NKAIN3: variants seen among roughly 807,000 people sequenced by gnomAD.
NKAIN3 encodes the protein sodium/potassium transporting ATPase interacting 3.
In NKAIN3, 25 loss-of-function variants were observed where a neutral mutation model predicts 30.2. The observed-to-expected ratio is 0.83, with a 90% CI of 0.60 to 1.16. The LOEUF is 1.16. Among genes scored for constraint, NKAIN3 ranks in the 50% most tolerant of loss-of-function variants. The pLI is 0.00. For synonymous variants in NKAIN3, 91 were observed against 89.6 expected (o/e 1.02, Z -0.09); for missense variants, 225 against 254.1 (o/e 0.89, Z 0.78).
intron 4 of NKAIN3, chr8:62,856,822 T>C (rs1005493482): frequency 1.1e-5 from 7 of 614,252 alleles, no homozygotes; most frequent in Non-Finnish European, 2.1e-5. Context: ...CTCTGCACTA[T>C]AGAGCATCAC....
chr8:62,613,329 T>A (rs1414404863), intron 3 of NKAIN3, among the ~76,000 whole-genome samples: 1 of 152,186 alleles, frequency 6.6e-6, no homozygotes, highest in African/African-American at 2.4e-5. Context: ...TTCAGGGCTT[T>A]AAATATGTCC....
intron 3 of NKAIN3, among the ~76,000 whole-genome samples, chr8:62,670,772 A>T (rs905212669): frequency 1.3e-5 from 2 of 152,106 alleles, no homozygotes; most frequent in African/African-American, 4.8e-5. Flanking sequence ...AAGCCTTGAC[A>T]GAGGCAATGG....
intron 4 of NKAIN3, among the ~76,000 whole-genome samples, chr8:62,801,663 TG>T (rs1818067961): frequency 2.0e-5 from 3 of 151,860 alleles, no homozygotes; most frequent in East Asian, 3.9e-4. Flanking sequence ...ACCACAAAGA[TG>T]GGGAAAAAAC....
intron 1 of NKAIN3, among the ~76,000 whole-genome samples, chr8:62,299,544 C>T (rs1171706870): frequency 6.6e-6 from 1 of 152,076 alleles, no homozygotes; most frequent in Non-Finnish European, 1.5e-5. Context: ...CAATGGTTAA[C>T]TCAAATGAAT....
At chr8:62,596,180 C>T (rs1174515098) in intron 3 of NKAIN3, among the ~76,000 whole-genome samples, 1 of 151,866 alleles carries the variant, frequency 6.6e-6, no homozygotes, top group African/African-American at 2.4e-5. Context: ...TTTTCTTCTT[C>T]GGTGGCTAGC....
intron 1 of NKAIN3, among the ~76,000 whole-genome samples, chr8:62,516,471 T>C (rs1011776972): frequency 2.0e-5 from 3 of 152,132 alleles, no homozygotes; most frequent in Non-Finnish European, 4.4e-5. Context: ...TCCTTGCTTT[T>C]GTTCTTTGTC....
intron 1 of NKAIN3, among the ~76,000 whole-genome samples, chr8:62,341,366 C>G (rs568698273): frequency 1.3e-5 from 2 of 151,992 alleles, no homozygotes; most frequent in Admixed American, 6.6e-5. Flanking sequence ...GACATGTTAA[C>G]GATAACAGTT....
intron 3 of NKAIN3, among the ~76,000 whole-genome samples, chr8:62,616,991 T>C (rs749627802): frequency 6.6e-6 from 1 of 152,156 alleles, no homozygotes; most frequent in Non-Finnish European, 1.5e-5. Flanking sequence ...TAGTGAATGA[T>C]TTATTGGGAG....
intron 1 of NKAIN3, among the ~76,000 whole-genome samples, chr8:62,534,247 C>T (rs1239256746): frequency 1.3e-5 from 2 of 152,092 alleles, no homozygotes; most frequent in African/African-American, 2.4e-5. Context: ...AGCGACCACA[C>T]GTGGGAAAAG....
intron 1 of NKAIN3, among the ~76,000 whole-genome samples, chr8:62,432,722 T>C (rs942906649): frequency 2.4e-4 from 37 of 152,094 alleles, no homozygotes; most frequent in African/African-American, 8.7e-4. Context: ...CATATTTGCT[T>C]CAAACATTTA....
intron 3 of NKAIN3, among the ~76,000 whole-genome samples, chr8:62,590,504 C>A (rs1443822204): frequency 6.6e-6 from 1 of 151,722 alleles, no homozygotes; most frequent in East Asian, 1.9e-4. Flanking sequence ...TGTGAACCAG[C>A]ACAATTTTCA....
chr8:62,271,473 C>G (rs1309338670), intron 1 of NKAIN3, among the ~76,000 whole-genome samples: 2 of 152,094 alleles, frequency 1.3e-5, no homozygotes, highest in African/African-American at 4.8e-5. Context: ...ATGGTAGTAT[C>G]AGGAAGTTTG....
At position 62,504,241 on chromosome 8, in the gene NKAIN3, T is replaced by C. The variant is rs568606869; in HGVS notation, c.55-75298T>C. 4.3e-4 allele frequency among the ~76,000 whole-genome samples: 65 copies of C among 152,274 alleles called. 2 individuals are homozygous for C. The highest frequency in any genetic ancestry group is 6.8e-3 in the Middle Eastern group (2 of 294). ...AAACTGTCCCCCCACCACCAGTCTG[T>C]GGAAAAATTGTCTTCCACAAAACCA... On this transcript the variant is annotated intron_variant, in intron 1 of 6. Coordinates refer to ENST00000623646, the MANE Select transcript of NKAIN3 (RefSeq NM_001304533.3).
intron 4 of NKAIN3, among the ~76,000 whole-genome samples, chr8:62,917,531 A>G (rs1458526986): frequency 6.6e-6 from 1 of 152,196 alleles, no homozygotes; most frequent in African/African-American, 2.4e-5. Context: ...TGGGCAGTCA[A>G]AAGCCCCAGA....
chr8:62,540,564 C>G (rs775812137), intron 1 of NKAIN3, among the ~76,000 whole-genome samples: 1 of 152,114 alleles, frequency 6.6e-6, no homozygotes, highest in Non-Finnish European at 1.5e-5. Flanking sequence ...TATGTTCAAA[C>G]ACATTGGCTC....
intron 1 of NKAIN3, among the ~76,000 whole-genome samples, chr8:62,487,521 T>C (rs1433966801): frequency 2.0e-5 from 3 of 152,240 alleles, no homozygotes; most frequent in African/African-American, 7.2e-5. Flanking sequence ...TTGCATGTTA[T>C]AATTCCAGCA....
chr8:62,942,321 A>T (rs1822989687), intron 5 of NKAIN3, among the ~76,000 whole-genome samples: 2 of 148,674 alleles, frequency 1.3e-5, no homozygotes, highest in African/African-American at 4.9e-5. Context: ...CAATATACCT[A>T]ACCAAGGAGG....
intron 1 of NKAIN3, among the ~76,000 whole-genome samples, chr8:62,532,535 C>A (rs922526642): frequency 2.6e-5 from 4 of 152,196 alleles, no homozygotes; most frequent in African/African-American, 7.2e-5. Context: ...ATGTCCCTGG[C>A]AGACAGGCTC....
At chr8:62,420,020 T>A (rs1439435935) in intron 1 of NKAIN3, among the ~76,000 whole-genome samples, 1 of 152,170 alleles carries the variant, frequency 6.6e-6, no homozygotes, top group East Asian at 1.9e-4. Flanking sequence ...CACAACCATG[T>A]CACCTGAGAG....
Sources: allele counts gnomAD v4.1 joint callset (sites outside exome capture counted in the v4.1 genomes callset), GRCh38; gene constraint gnomAD v4.1.1; transcripts MANE v1.5; gene names NCBI Gene and HGNC (gene_info 2026-07-23, HGNC 2026-07-21).